KLHL3: variants seen among roughly 807,000 people sequenced by gnomAD.
KLHL3 encodes kelch like family member 3.
In KLHL3, 19 loss-of-function variants were observed where a neutral mutation model predicts 70.5. That is an observed-to-expected ratio of 0.27 (90% CI 0.19 to 0.40). KLHL3 has a LOEUF of 0.40. Ranked by LOEUF, KLHL3 falls within the 10% of genes least tolerant of loss-of-function variation. KLHL3 has a pLI of 1.00. For missense variants in KLHL3, 512 were observed against 771.1 expected (o/e 0.66, Z 3.98); for synonymous variants, 258 against 290.3 (o/e 0.89, Z 1.13).
chr5:137,709,798 G>A lies in KLHL3; in HGVS notation c.193C>T (p.Arg65Cys). The part of the protein sequence containing the change: ...VAEDVEIEAH[R>C]VVLAACSPYF... ...GGGCTGCAGGCTGCCAGGACCACAC[G>A]GTGGGCTTCTATCTCGACATCTTCT... Residue 65 changes from arginine to cysteine, a missense_variant, in exon 3 of 15, where the codon CGT becomes TGT. Transcript: ENST00000309755. The A allele has an allele frequency of 2.5e-6, 4 of 1,614,120 alleles. No homozygotes were observed. The highest frequency in any genetic ancestry group is 2.5e-6 in the Non-Finnish European group (3 of 1,180,010).
At chr5:137,671,586 C>T (rs537656721) in intron 6 of KLHL3, among the ~76,000 whole-genome samples, 1 of 152,278 alleles carries the variant, frequency 6.6e-6, no homozygotes, top group Non-Finnish European at 1.5e-5. Flanking sequence ...TGAGCTGTGT[C>T]ACCTCTCTGA....
At position 137,683,803 on chromosome 5, in the gene KLHL3, C is replaced by A. The variant is rs57326921; in HGVS notation, c.527-6149G>T. ...TCTCTCTCACACACACACATGCACG[C>A]GCACACACACACACACACATACACA... On this transcript the variant is annotated intron_variant, in intron 5 of 14. Coordinates refer to ENST00000309755, the MANE Select transcript of KLHL3 (RefSeq NM_017415.3). Among the ~76,000 whole-genome samples the A allele has an allele frequency of 9.5e-3, 1,418 of 148,692 alleles. 27 individuals carry two copies. Among genetic ancestry groups the A allele is most frequent in the African/African-American group, 0.035 (1,338 of 38,348 alleles).
intron 13 of KLHL3, among the ~76,000 whole-genome samples, chr5:137,627,849 C>T (rs1750517183): frequency 6.6e-6 from 1 of 152,190 alleles, no homozygotes; most frequent in African/African-American, 2.4e-5. Context: ...ACTGTCCCTG[C>T]AAGGAAGGAG....
At position 137,731,485 on chromosome 5, in the gene KLHL3, G is replaced by A. The variant is rs905873888; in HGVS notation, c.14+4148C>T. ...CATTACAAAACTCAACATTTAAAGT[G>A]TACTGGCTTTCTAAGTCTTGTCTCC... On this transcript the variant is annotated intron_variant, in intron 1 of 14. Transcript: ENST00000309755. Among the ~76,000 whole-genome samples, 52 of 152,160 alleles carry A rather than the reference G, an allele frequency of 3.4e-4. 1 individual carries two copies. Among genetic ancestry groups the A allele is most frequent in the Non-Finnish European group, 1.5e-5 (1 of 68,036 alleles).
At chr5:137,735,005 G>A (rs1753237972) in intron 1 of KLHL3, among the ~76,000 whole-genome samples, 2 of 152,176 alleles carry the variant, frequency 1.3e-5, no homozygotes, top group Admixed American at 6.5e-5. Flanking sequence ...GATGGAGGAA[G>A]CACAGACCTT....
At chr5:137,696,495 G>A (rs191360340) in intron 4 of KLHL3, among the ~76,000 whole-genome samples, 9 of 152,338 alleles carry the variant, frequency 5.9e-5, no homozygotes, top group African/African-American at 2.2e-4. Flanking sequence ...GGACAATAAG[G>A]TTTGTTATGA....
At chr5:137,679,399 G>T (rs1751969189) in intron 5 of KLHL3, among the ~76,000 whole-genome samples, 1 of 152,180 alleles carries the variant, frequency 6.6e-6, no homozygotes, top group African/African-American at 2.4e-5. Context: ...GGAGAGTCCT[G>T]CAAACCAGCA....
chr5:137,719,663 G>A (rs1047527793), intron 2 of KLHL3, among the ~76,000 whole-genome samples: 1 of 152,230 alleles, frequency 6.6e-6, no homozygotes, highest in African/African-American at 2.4e-5. Flanking sequence ...GAGAGGATGA[G>A]TATATTCACA....
Position 137,644,317 on chromosome 5 carries a change from G to A in KLHL3, c.904-4340C>T, listed in dbSNP as rs534863523. On this transcript the variant is annotated intron_variant, in intron 8 of 14. Transcript: ENST00000309755. The stretch of plus-strand genomic sequence containing the variant: ...ACTCCTGACCTAAGGTGATCCACTC[G>A]CCTCGGCCTCCCAAAGTGCTGGGAT... Among the ~76,000 whole-genome samples, 7 of 152,274 alleles carry A rather than the reference G, an allele frequency of 4.6e-5. No individual in the cohort carries two copies. In the East Asian group the frequency reaches 1.2e-3, roughly 25 times the overall value.
At chr5:137,692,667 C>T (rs928210560) in intron 4 of KLHL3, 3 of 522,846 alleles carry the variant, frequency 5.7e-6, no homozygotes, top group Non-Finnish European at 1.0e-5. Flanking sequence ...TACAGCCATG[C>T]TTCCCAGTCT....
intron 2 of KLHL3, among the ~76,000 whole-genome samples, chr5:137,712,479 C>G (rs183859746): frequency 6.6e-6 from 1 of 152,264 alleles, no homozygotes; most frequent in Non-Finnish European, 1.5e-5. Context: ...AAGAAACTTG[C>G]CAAATAGTTA....
chr5:137,725,291 G>A (rs758797623), intron 1 of KLHL3, among the ~76,000 whole-genome samples: 3 of 151,898 alleles, frequency 2.0e-5, no homozygotes, highest in Admixed American at 6.6e-5. Context: ...ACACGTGCAC[G>A]CACACAAATT....
intron 11 of KLHL3, among the ~76,000 whole-genome samples, chr5:137,635,089 G>T (rs1750735088): frequency 6.6e-6 from 1 of 152,124 alleles, no homozygotes; most frequent in Non-Finnish European, 1.5e-5. Flanking sequence ...GGTCACATGT[G>T]CTTTCTTGAT....
chr5:137,660,546 T>C (rs1225678824), intron 7 of KLHL3, among the ~76,000 whole-genome samples: 1 of 152,186 alleles, frequency 6.6e-6, no homozygotes, highest in Non-Finnish European at 1.5e-5. Flanking sequence ...CAAAGTAGCA[T>C]GCATGCCCCA....
At chr5:137,671,499 T>G (rs551414632) in intron 6 of KLHL3, among the ~76,000 whole-genome samples, 121 of 152,106 alleles carry the variant, frequency 8.0e-4, no homozygotes, top group African/African-American at 2.8e-3. Flanking sequence ...CTCATCAGGG[T>G]GGGGGTGCAT....
At chr5:137,654,313 G>A (rs183779949) in intron 8 of KLHL3, among the ~76,000 whole-genome samples, 7 of 152,332 alleles carry the variant, frequency 4.6e-5, no homozygotes, top group African/African-American at 7.2e-5. Context: ...CCTGAAAGCT[G>A]TTTCTCAGGA....
chr5:137,657,786 T>C (rs886938921), intron 8 of KLHL3, among the ~76,000 whole-genome samples: 3 of 152,176 alleles, frequency 2.0e-5, no homozygotes, highest in Non-Finnish European at 4.4e-5. Flanking sequence ...ACTATGGCCA[T>C]CACTAAGTGA....
At chr5:137,670,888 G>C (rs1382398636) in intron 6 of KLHL3, among the ~76,000 whole-genome samples, 1 of 150,354 alleles carries the variant, frequency 6.7e-6, no homozygotes. Context: ...CAGGAGAAAC[G>C]CTTGAACCTG....
intron 6 of KLHL3, among the ~76,000 whole-genome samples, chr5:137,676,299 A>G (rs1207415542): frequency 6.6e-6 from 1 of 152,242 alleles, no homozygotes; most frequent in Admixed American, 6.5e-5. Flanking sequence ...ATTTCATCTC[A>G]GATATAAAAT....
Sources: allele counts gnomAD v4.1 joint callset (sites outside exome capture counted in the v4.1 genomes callset), GRCh38; gene constraint gnomAD v4.1.1; transcripts MANE v1.5; gene names NCBI Gene and HGNC (gene_info 2026-07-23, HGNC 2026-07-21).